WWOX: variants seen among roughly 807,000 people sequenced by gnomAD.
WWOX encodes the protein WW domain containing oxidoreductase, also known as WW domain-containing oxidoreductase.
In WWOX, 69 loss-of-function variants were observed where a neutral mutation model predicts 46.2. The observed-to-expected ratio is 1.49, with a 90% confidence interval of 1.23 to 1.82. WWOX has a LOEUF of 1.82. WWOX is among the 40% of genes most tolerant of loss of function. The pLI is 0.00. For missense variants in WWOX, 919 were observed against 542.6 expected (o/e 1.69, Z -6.89); for synonymous variants, 359 against 202.6 (o/e 1.77, Z -6.56).
intron 5 of WWOX, among the ~76,000 whole-genome samples, chr16:78,202,059 C>A (rs532107437): frequency 6.6e-6 from 1 of 152,182 alleles, no homozygotes; most frequent in South Asian, 2.1e-4. Flanking sequence ...CACCCCTTTC[C>A]TTTCCCAAAC....
intron 8 of WWOX, among the ~76,000 whole-genome samples, chr16:79,165,420 C>T (rs1197618355): frequency 6.6e-6 from 1 of 152,156 alleles, no homozygotes; most frequent in African/African-American, 2.4e-5. Flanking sequence ...GCTAAATTTC[C>T]CACTGCAGCC....
intron 4 of WWOX, among the ~76,000 whole-genome samples, chr16:78,133,270 T>C (rs2033666990): frequency 6.6e-6 from 1 of 152,186 alleles, no homozygotes; most frequent in Admixed American, 6.5e-5. Context: ...TTATTTTTAC[T>C]TTTTTTGAAA....
At chr16:78,884,387 T>G (rs1399936687) in intron 8 of WWOX, among the ~76,000 whole-genome samples, 2 of 152,102 alleles carry the variant, frequency 1.3e-5, no homozygotes, top group African/African-American at 2.4e-5. Context: ...CATTATTCAT[T>G]ATAACACACT....
chr16:78,610,396 C>G (rs927636289), intron 8 of WWOX, among the ~76,000 whole-genome samples: 4 of 152,276 alleles, frequency 2.6e-5, no homozygotes, highest in South Asian at 2.1e-4. Context: ...AAGGAGATAA[C>G]TATTTCTTCT....
intron 5 of WWOX, among the ~76,000 whole-genome samples, chr16:78,351,128 C>G (rs1456439335): frequency 6.6e-6 from 1 of 152,000 alleles, no homozygotes; most frequent in African/African-American, 2.4e-5. Flanking sequence ...GTAATCATGC[C>G]CACCTCATTT....
intron 8 of WWOX, among the ~76,000 whole-genome samples, chr16:78,838,018 C>A (rs74573992): frequency 0.035 from 5,348 of 152,264 alleles, 120 homozygotes; most frequent in Non-Finnish European, 0.051. Context: ...CAAGGCTATT[C>A]TCATTTTGAG....
chr16:78,811,701 C>T (rs1241088519), intron 8 of WWOX, among the ~76,000 whole-genome samples: 1 of 151,944 alleles, frequency 6.6e-6, no homozygotes, highest in Non-Finnish European at 1.5e-5. Context: ...GGCTACTAAT[C>T]CCCTCATGAG....
intron 5 of WWOX, among the ~76,000 whole-genome samples, chr16:78,186,902 A>G (rs1412856349): frequency 6.6e-6 from 1 of 152,226 alleles, no homozygotes; most frequent in African/African-American, 2.4e-5. Context: ...TCACAGCATA[A>G]CAATCAAGTC....
chr16:79,101,955 G>C (rs1016374960), intron 8 of WWOX, among the ~76,000 whole-genome samples: 1 of 149,368 alleles, frequency 6.7e-6, no homozygotes, highest in Non-Finnish European at 1.5e-5. Flanking sequence ...TTCTGGAAGA[G>C]TTACCTGAAG....
At chr16:78,997,355 G>A (rs945095406) in intron 8 of WWOX, among the ~76,000 whole-genome samples, 3 of 152,140 alleles carry the variant, frequency 2.0e-5, no homozygotes, top group African/African-American at 7.2e-5. Flanking sequence ...GGAAAATCTA[G>A]AAGATTCGTG....
At chr16:78,826,925 C>G (rs984536374) in intron 8 of WWOX, among the ~76,000 whole-genome samples, 1 of 152,116 alleles carries the variant, frequency 6.6e-6, no homozygotes, top group African/African-American at 2.4e-5. Flanking sequence ...CACTACATGC[C>G]GGACACCAAG....
At chr16:78,401,315 T>C (rs373855072) in intron 6 of WWOX, among the ~76,000 whole-genome samples, 1 of 152,240 alleles carries the variant, frequency 6.6e-6, no homozygotes. Flanking sequence ...AAGCCAAGTT[T>C]AAAAATTTTG....
intron 6 of WWOX, among the ~76,000 whole-genome samples, chr16:78,408,989 G>T (rs1479810609): frequency 6.6e-6 from 1 of 152,158 alleles, no homozygotes; most frequent in Non-Finnish European, 1.5e-5. Context: ...ATGGGCTGTA[G>T]CTCAAGCATC....
At chr16:78,463,772 G>A (rs1186165577) in intron 8 of WWOX, among the ~76,000 whole-genome samples, 1 of 152,302 alleles carries the variant, frequency 6.6e-6, no homozygotes, top group African/African-American at 2.4e-5. Context: ...ATGTGTGTTA[G>A]GTTAGGGTTT....
chr16:78,260,095 G>T (rs1183358926), intron 5 of WWOX, among the ~76,000 whole-genome samples: 1 of 151,240 alleles, frequency 6.6e-6, no homozygotes, highest in African/African-American at 2.4e-5. Flanking sequence ...TCAGCTCGAT[G>T]CCTCTTGAGG....
intron 8 of WWOX, among the ~76,000 whole-genome samples, chr16:78,718,777 A>G (rs116145396): frequency 0.012 from 1,793 of 152,236 alleles, 33 homozygotes; most frequent in African/African-American, 0.041. Flanking sequence ...TAGGTGACAC[A>G]TATTTATTGA....
At chr16:78,567,992 C>G (rs1033057730) in intron 8 of WWOX, among the ~76,000 whole-genome samples, 13 of 152,140 alleles carry the variant, frequency 8.5e-5, no homozygotes, top group African/African-American at 1.7e-4. Flanking sequence ...CATGTGAAAT[C>G]TAGAGCCTCT....
At chr16:79,119,595 A>T (rs1040786782) in intron 8 of WWOX, among the ~76,000 whole-genome samples, 1 of 152,234 alleles carries the variant, frequency 6.6e-6, no homozygotes, top group African/African-American at 2.4e-5. Context: ...CAACAAGGCA[A>T]CTAAGGCATG....
intron 5 of WWOX, among the ~76,000 whole-genome samples, chr16:78,377,607 C>T (rs2081861055): frequency 6.6e-6 from 1 of 152,190 alleles, no homozygotes; most frequent in South Asian, 2.1e-4. Context: ...CCTCCTGTGT[C>T]ATTCACTGTC....
Sources: gnomAD v4.1 joint callset for allele counts (sites outside exome capture counted in the v4.1 genomes callset) on GRCh38, gnomAD v4.1.1 for gene constraint, MANE v1.5 for transcripts, NCBI Gene and HGNC (gene_info 2026-07-23, HGNC 2026-07-21) for gene names.